OXNAD1: variants seen among roughly 807,000 people sequenced by gnomAD.
OXNAD1 encodes the protein oxidoreductase NAD-binding domain-containing protein 1.
A neutral mutation model predicts 32.9 loss-of-function variants in OXNAD1; 34 were observed. That is an observed-to-expected ratio of 1.03 (90% CI 0.79 to 1.38). OXNAD1 has a LOEUF of 1.38. Among genes scored for constraint, OXNAD1 ranks in the 40% most tolerant of loss-of-function variants. The probability of loss-of-function intolerance (pLI) is 0.00; values close to 1 mark genes in which losing one functional copy is unlikely to be tolerated. For missense variants in OXNAD1, 407 were observed against 379.4 expected (o/e 1.07, Z -0.60); for synonymous variants, 134 against 135.2 (o/e 0.99, Z 0.06).
intron 9 of OXNAD1, chr3:16,347,844 C>A (rs1254328705): frequency 6.6e-6 from 1 of 152,228 alleles, no homozygotes; most frequent in Non-Finnish European, 1.5e-5. Context: ...TACACATGCT[C>A]TTAGGTCAGG....
Position 16,286,475 on chromosome 3 carries a change from A to G in OXNAD1, c.290+27A>G, listed in dbSNP as rs372586847. 1,407 of 1,574,962 alleles carry G rather than the reference A, an allele frequency of 8.9e-4. 1 individual carries two copies. The highest frequency in any genetic ancestry group is 1.1e-3 in the Non-Finnish European group (1,312 of 1,144,960). ...TAAGTGACTTTTCTGTGTTCCATGT[A>G]TGTATGTTCAAGAAGGTGCCATCAG... On this transcript the variant is annotated intron_variant, in intron 5 of 8. Transcript: ENST00000285083.
chr3:16,324,209 T>C (rs936179542), intron 9 of OXNAD1, among the ~76,000 whole-genome samples: 11 of 152,236 alleles, frequency 7.2e-5, no homozygotes, highest in African/African-American at 2.4e-4. Context: ...TGTTTTGATA[T>C]ATGTTTACAA....
rs1226663510 is a variant in OXNAD1 at position 16,312,451 on chromosome 3, C to T, written c.*30+8859C>T. 6.6e-6 allele frequency among the ~76,000 whole-genome samples: 1 copy of T among 150,462 alleles called. No individual in the cohort carries two copies. The highest frequency in any genetic ancestry group is 1.5e-5 in the Non-Finnish European group (1 of 66,798). ...ACAACTGGGAGTCAGTGCCGAGCTT[C>T]TCCTGGCCACACACACCAGTCATCC... On this transcript the variant is annotated intron_variant, in intron 9 of 9. Transcript: ENST00000435829. The surrounding 1 kb of genome is among the most constrained non-coding windows in gnomAD (Gnocchi z 4.7).
intron 5 of OXNAD1, among the ~76,000 whole-genome samples, chr3:16,293,816 T>C (rs1412396037): frequency 6.6e-6 from 1 of 152,206 alleles, no homozygotes; most frequent in African/African-American, 2.4e-5. Context: ...CTTTATCAGG[T>C]TGAGAAAGTT....
chr3:16,294,744 C>T, intron 5 of OXNAD1, 112 bp from the exon 6 acceptor site: 1 of 1,054,314 alleles, frequency 9.5e-7, no homozygotes, highest in Non-Finnish European at 1.3e-6. Context: ...CTCTTTTATT[C>T]TTGATTTTAG....
At chr3:16,315,355 A>G (rs994103495) in intron 9 of OXNAD1, among the ~76,000 whole-genome samples, 11 of 152,206 alleles carry the variant, frequency 7.2e-5, no homozygotes, top group Non-Finnish European at 1.3e-4. Flanking sequence ...ACCTCAGGTG[A>G]TCAGCCTGCC....
At chr3:16,338,412 G>A (rs756582664), downstream of OXNAD1, among the ~76,000 whole-genome samples, 1 of 152,250 alleles carries the variant, frequency 6.6e-6, no homozygotes, top group Non-Finnish European at 1.5e-5. The surrounding 1 kb of genome is among the most constrained non-coding windows in gnomAD (Gnocchi z 5.3). Context: ...CTGTGGTTAA[G>A]CAACACAAAG....
intron 1 of OXNAD1, among the ~76,000 whole-genome samples, chr3:16,268,313 CTTTTTTTTTTTTTTTTT>C (rs531751365): frequency 9.8e-5 from 6 of 60,924 alleles, no homozygotes; most frequent in Admixed American, 2.7e-4. Flanking sequence ...AAGAGAACTC[CTTTTTTTTTTTTTTTTT>C]TTTTTTTTTT....
downstream of OXNAD1, among the ~76,000 whole-genome samples, chr3:16,338,254 G>A (rs2071048683): frequency 6.6e-6 from 1 of 152,232 alleles, no homozygotes; most frequent in Non-Finnish European, 1.5e-5. This position sits in a 1 kb window ranked among gnomAD's most constrained non-coding sequence, Gnocchi z 5.3. Flanking sequence ...ACACACACCT[G>A]CATGAGCAGA....
intron 5 of OXNAD1, among the ~76,000 whole-genome samples, chr3:16,291,692 C>T (rs1302371583): frequency 6.6e-6 from 1 of 152,184 alleles, no homozygotes; most frequent in Non-Finnish European, 1.5e-5. Context: ...AATAATGCTG[C>T]CATGAACATT....
intron 9 of OXNAD1, among the ~76,000 whole-genome samples, chr3:16,331,486 G>A (rs2070306019): frequency 1.3e-5 from 2 of 152,048 alleles, no homozygotes. Flanking sequence ...CTATGACCAT[G>A]CCTTCTTTTT....
rs2066162199 is a variant in OXNAD1, at chr3:16,287,660, C to A, written c.290+1212C>A. On this transcript the variant is annotated intron_variant, in intron 5 of 8. Transcript: ENST00000285083. This position sits in a 1 kb window ranked among gnomAD's most constrained non-coding sequence, Gnocchi z 4.8. The stretch of plus-strand genomic sequence containing the variant: ...TCCGTGCCTTCAACTCTGAATCCTG[C>A]CAAGACTCAGACCCAGCCTCCTGGT... 6.6e-6 allele frequency among the ~76,000 whole-genome samples: 1 copy of A among 152,232 alleles called. No individual in the cohort carries two copies. The highest frequency in any genetic ancestry group is 2.4e-5 in the African/African-American group (1 of 41,452).
At position 16,301,903 on chromosome 3, in the gene OXNAD1, T is replaced by A. The variant is rs1272191122; in HGVS notation, c.675+35T>A. On this transcript the variant is annotated intron_variant, in intron 7 of 8. Transcript: ENST00000285083. This position sits in a 1 kb window ranked among gnomAD's most constrained non-coding sequence, Gnocchi z 4.1. Reference sequence around the variant, plus strand: ...GTATAGCTTGCTGTAAGCAAACTTGTGTAGTGGTATTAATTGTTCATGAAA... The same window carrying A: ...GTATAGCTTGCTGTAAGCAAACTTGAGTAGTGGTATTAATTGTTCATGAAA... The A allele has an allele frequency of 6.3e-7, 1 of 1,598,884 alleles. No individual in the cohort carries two copies. The highest frequency in any genetic ancestry group is 8.5e-7 in the Non-Finnish European group (1 of 1,171,572).
In OXNAD1 at chr3:16,302,585, C is replaced by T. The variant is rs1369853415; in HGVS notation, c.676-55C>T. 5.8e-6 allele frequency: 7 copies of T among 1,210,098 alleles called. No homozygotes were observed. Among genetic ancestry groups the T allele is most frequent in the South Asian group, 1.3e-5 (1 of 77,352 alleles). 75.0% of individuals were successfully genotyped at this position (1,210,098 alleles called of 1,614,324 possible). A position where few individuals can be genotyped will look rare whatever the true frequency, so the allele number is the denominator to read the frequency against. On this transcript the variant is annotated intron_variant, in intron 7 of 8. Coordinates refer to ENST00000285083, the MANE Select transcript of OXNAD1 (RefSeq NM_138381.5). The surrounding 1 kb of genome is among the most constrained non-coding windows in gnomAD (Gnocchi z 4.2). ...GAGGTTCAGCGTCAATGGTTGTGCA[C>T]ATCTGTTTTGATTTTTTAAAATTGT...
intron 2 of OXNAD1, among the ~76,000 whole-genome samples, chr3:16,269,790 A>C (rs754241302): frequency 1.3e-5 from 2 of 152,214 alleles, no homozygotes; most frequent in Non-Finnish European, 2.9e-5. Context: ...TATCACAATT[A>C]ATTTATATAC....
rs1357156007 is a variant in OXNAD1 at position 16,346,992 on chromosome 3, T to G, written c.*31-2184T>G. 6.6e-6 allele frequency among the ~76,000 whole-genome samples: 1 copy of G among 152,238 alleles called. No homozygotes were observed. The highest frequency in any genetic ancestry group is 1.5e-5 in the Non-Finnish European group (1 of 68,040). On this transcript the variant is annotated intron_variant, in intron 9 of 9. Transcript: ENST00000606098. This position sits in a 1 kb window ranked among gnomAD's most constrained non-coding sequence, Gnocchi z 4.4. ...AACACCCCTACGGCTTAAGCCACTT[T>G]TAGTTGGATTTCCTGCTATGAACGG...
chr3:16,331,219 G>A (rs183514739), intron 9 of OXNAD1, among the ~76,000 whole-genome samples: 2 of 152,256 alleles, frequency 1.3e-5, no homozygotes, highest in Admixed American at 1.3e-4. Context: ...TGTGTCTTTT[G>A]TAAAATTGCT....
chr3:16,333,831 A>C (rs1156238651), intron 9 of OXNAD1, among the ~76,000 whole-genome samples: 1 of 152,232 alleles, frequency 6.6e-6, no homozygotes, highest in Non-Finnish European at 1.5e-5. Flanking sequence ...ACACCCACTA[A>C]GTGCATGAGA....
At chr3:16,331,584 C>T (rs985123818) in intron 9 of OXNAD1, among the ~76,000 whole-genome samples, 3 of 152,052 alleles carry the variant, frequency 2.0e-5, no homozygotes, top group Non-Finnish European at 4.4e-5. Flanking sequence ...ACTAATTTAT[C>T]CCACATGTTG....
Sources: allele counts gnomAD v4.1 joint callset (sites outside exome capture counted in the v4.1 genomes callset), GRCh38; gene constraint gnomAD v4.1.1; non-coding constraint Gnocchi (gnomAD v3.1); transcripts MANE v1.5; gene names NCBI Gene and HGNC (gene_info 2026-07-23, HGNC 2026-07-21).